MARCHF1: variants seen among roughly 807,000 people sequenced by gnomAD.
MARCHF1 encodes the protein membrane associated ring-CH-type finger 1, also known as E3 ubiquitin-protein ligase MARCHF1.
Under a neutral mutation model 54.2 loss-of-function variants are expected in MARCHF1, and 40 were observed. The ratio of observed to expected loss-of-function variants is 0.74; its 90% CI spans 0.57 to 0.96. The LOEUF (loss-of-function observed/expected upper bound fraction) is 0.96. Ranked by LOEUF, MARCHF1 falls within the 40% of genes least tolerant of loss-of-function variation. MARCHF1 has a pLI of 0.00. For synonymous variants in MARCHF1, 236 were observed against 236.3 expected (o/e 1.00, Z 0.01); for missense variants, 586 against 656.5 (o/e 0.89, Z 1.17).
chr4:163,688,669 T>C (rs1211586317), intron 5 of MARCHF1, among the ~76,000 whole-genome samples: 1 of 152,190 alleles, frequency 6.6e-6, no homozygotes, highest in Admixed American at 6.5e-5. Context: ...CAACTTTTCT[T>C]GCACGGAGTT....
At chr4:163,762,788 T>C (rs920369045) in intron 4 of MARCHF1, among the ~76,000 whole-genome samples, 1 of 152,136 alleles carries the variant, frequency 6.6e-6, no homozygotes, top group South Asian at 2.1e-4. Flanking sequence ...ACTATATACT[T>C]CCCTGATGGT....
intron 3 of MARCHF1, among the ~76,000 whole-genome samples, chr4:163,857,108 A>C (rs555208615): frequency 7.1e-6 from 1 of 140,182 alleles, no homozygotes; most frequent in African/African-American, 2.5e-5. Context: ...GGAGAGAGAG[A>C]AAAAAAAAAA....
chr4:163,914,157 C>T (rs1223886835), intron 3 of MARCHF1, among the ~76,000 whole-genome samples: 2 of 152,004 alleles, frequency 1.3e-5, no homozygotes, highest in Admixed American at 1.3e-4. Flanking sequence ...AGCTTTGTAC[C>T]TTGTACAAAG....
chr4:163,841,833 G>A (rs1749348966), intron 4 of MARCHF1, among the ~76,000 whole-genome samples: 1 of 152,124 alleles, frequency 6.6e-6, no homozygotes, highest in African/African-American at 2.4e-5. Context: ...TAACTGGATT[G>A]TTAAATTTTA....
At chr4:163,846,827 TCTTA>T (rs1474155264) in intron 4 of MARCHF1, among the ~76,000 whole-genome samples, 2 of 152,078 alleles carry the variant, frequency 1.3e-5, no homozygotes, top group African/African-American at 4.8e-5. Flanking sequence ...AAAAACACAA[TCTTA>T]CTTTTGCTCA....
At position 163,931,576 on chromosome 4, in the gene MARCHF1, T is replaced by C. The variant is rs537781358; in HGVS notation, c.-39+56925A>G. Among the ~76,000 whole-genome samples the C allele has an allele frequency of 1.1e-4, 16 of 152,310 alleles. No homozygotes were observed. In the South Asian group the frequency reaches 3.3e-3, roughly 32 times the overall value. On this transcript the variant is annotated intron_variant, in intron 3 of 9. Transcript: ENST00000514618. ...CACTGAATATACTAGTCCCTAAATC[T>C]TGGACTTCTCAGCTTCCAGAAAGAA...
rs532143362 is a variant in MARCHF1 at position 163,976,030 on chromosome 4, AT to A, written c.-39+12470del. Reference sequence around the variant, plus strand: ...TGCAAGCCATATCTTATTTAAAAAAATAAAACATTAAACAGTGGAACCAAGA... The same window carrying A: ...TGCAAGCCATATCTTATTTAAAAAAAAAAACATTAAACAGTGGAACCAAGA... On this transcript the variant is annotated intron_variant, in intron 3 of 9. Transcript: ENST00000514618. 4.0e-3 allele frequency among the ~76,000 whole-genome samples: 605 copies of A among 152,338 alleles called. 3 individuals are homozygous for A. Among genetic ancestry groups the A allele is most frequent in the African/African-American group, 0.011 (473 of 41,590 alleles).
At chr4:163,753,054 T>C (rs10020876) in intron 4 of MARCHF1, among the ~76,000 whole-genome samples, 10,715 of 152,138 alleles carry the variant, frequency 0.07, 610 homozygotes, top group African/African-American at 0.16. Flanking sequence ...CCATATTTCA[T>C]GGATATTCTT....
chr4:164,230,909 ATCC>A (rs1732397402), intron 1 of MARCHF1, among the ~76,000 whole-genome samples: 2 of 152,134 alleles, frequency 1.3e-5, no homozygotes, highest in Non-Finnish European at 2.9e-5. Flanking sequence ...AAATTTCATA[ATCC>A]CCAGGATGTC....
chr4:163,575,529 T>G (rs1740007360), intron 8 of MARCHF1, among the ~76,000 whole-genome samples: 1 of 152,090 alleles, frequency 6.6e-6, no homozygotes, highest in Non-Finnish European at 1.5e-5. Context: ...TTGTTGTGTC[T>G]TGGCCAGGGT....
At chr4:163,825,482 T>C (rs1043853692) in intron 4 of MARCHF1, among the ~76,000 whole-genome samples, 4 of 152,050 alleles carry the variant, frequency 2.6e-5, no homozygotes, top group African/African-American at 7.2e-5. Flanking sequence ...TTGGGTCAAA[T>C]GGTAATTCCG....
chr4:163,883,258 TGAGA>T (rs55714281), intron 3 of MARCHF1, among the ~76,000 whole-genome samples: 108,113 of 145,370 alleles, frequency 0.74, 41,135 homozygotes, highest in Non-Finnish European at 0.85. Flanking sequence ...TATATATATA[TGAGA>T]GAGAGAGAGA....
intron 3 of MARCHF1, among the ~76,000 whole-genome samples, chr4:163,961,617 T>C (rs1752348027): frequency 6.6e-6 from 1 of 151,914 alleles, no homozygotes; most frequent in African/African-American, 2.4e-5. Context: ...GAAGCAGCAT[T>C]ATATGATCAA....
At chr4:163,715,314 C>T (rs1400267645) in intron 4 of MARCHF1, among the ~76,000 whole-genome samples, 1 of 152,090 alleles carries the variant, frequency 6.6e-6, no homozygotes, top group Non-Finnish European at 1.5e-5. Flanking sequence ...GGCGCGATCT[C>T]GGCTCACTGC....
chr4:164,143,739 A>T (rs372303392), intron 1 of MARCHF1, among the ~76,000 whole-genome samples: 5 of 151,656 alleles, frequency 3.3e-5, no homozygotes, highest in Admixed American at 1.3e-4. Context: ...TAAAGACCAT[A>T]GAGACTAGGA....
intron 4 of MARCHF1, among the ~76,000 whole-genome samples, chr4:163,815,486 C>A (rs1330130436): frequency 6.6e-6 from 1 of 152,010 alleles, no homozygotes; most frequent in Admixed American, 6.6e-5. Context: ...TGAGTTTTAT[C>A]GGTGCTACTG....
At chr4:164,052,588 A>C (rs999632448) in intron 2 of MARCHF1, among the ~76,000 whole-genome samples, 1 of 152,106 alleles carries the variant, frequency 6.6e-6, no homozygotes, top group African/African-American at 2.4e-5. Context: ...GAAGTGCGCT[A>C]TAAAACTAAG....
chr4:163,654,788 GCTTTCTTGAGTCA>G (rs1378891752), intron 5 of MARCHF1, among the ~76,000 whole-genome samples: 1 of 151,486 alleles, frequency 6.6e-6, no homozygotes, highest in Non-Finnish European at 1.5e-5. Context: ...GCTGAATTTT[GCTTTCTTGAGTCA>G]CTTTTACAAT....
chr4:163,832,974 T>C (rs1749073786), intron 4 of MARCHF1, among the ~76,000 whole-genome samples: 1 of 152,186 alleles, frequency 6.6e-6, no homozygotes, highest in Non-Finnish European at 1.5e-5. Context: ...CCACATTTTC[T>C]TAATCCAGTC....
Sources: allele counts gnomAD v4.1 joint callset (sites outside exome capture counted in the v4.1 genomes callset), GRCh38; gene constraint gnomAD v4.1.1; transcripts MANE v1.5; gene names NCBI Gene and HGNC (gene_info 2026-07-23, HGNC 2026-07-21).